The following FRAS1 variants were observed in gnomAD, a reference collection of about 807,000 sequenced individuals.
The protein encoded by FRAS1 is Fraser extracellular matrix complex subunit 1, also known as extracellular matrix organizing protein FRAS1.
FRAS1 carries 290 observed loss-of-function variants against 435.2 expected under a neutral mutation model. The observed-to-expected ratio is 0.67, with a 90% CI of 0.61 to 0.73. The LOEUF (loss-of-function observed/expected upper bound fraction) is 0.73. FRAS1 is among the 30% of genes least tolerant of loss of function. FRAS1 has a pLI of 0.00. For synonymous variants in FRAS1, 1,800 were observed against 1,851.0 expected, an observed-to-expected ratio of 0.97 and a Z score of 0.71; for missense variants, 4,860 against 5,001.5, an observed-to-expected ratio of 0.97 and a Z score of 0.85.
intron 2 of FRAS1, among the ~76,000 whole-genome samples, chr4:78,148,847 G>T (rs1212226801): frequency 6.6e-6 from 1 of 152,172 alleles, no homozygotes; most frequent in Non-Finnish European, 1.5e-5. Context: ...GTTTCTGAAA[G>T]TACTGTGAAG....
At chr4:78,167,807 A>T (rs1721395110) in intron 2 of FRAS1, among the ~76,000 whole-genome samples, 1 of 152,006 alleles carries the variant, frequency 6.6e-6, no homozygotes, top group African/African-American at 2.4e-5. Context: ...CAGTTGACAC[A>T]GTGGGTAGTC....
intron 55 of FRAS1, 83 bp from the exon 56 acceptor site, chr4:78,479,291 C>T: frequency 2.2e-6 from 2 of 911,164 alleles, no homozygotes; most frequent in Non-Finnish European, 3.1e-6. Flanking sequence ...TTGGGAGGGA[C>T]CAAGCTCATT....
At chr4:78,304,143 T>C (rs202032869) in intron 14 of FRAS1, among the ~76,000 whole-genome samples, 40,662 of 149,236 alleles carry the variant, frequency 0.27, 6,366 homozygotes, top group Admixed American at 0.35. Context: ...GTTCTGTTTA[T>C]ATGCTGGATT....
At chr4:78,534,891 C>T (rs1044298027) in intron 71 of FRAS1, among the ~76,000 whole-genome samples, 4 of 152,216 alleles carry the variant, frequency 2.6e-5, no homozygotes, top group Non-Finnish European at 5.9e-5. Context: ...CATTTCCGAC[C>T]AGATTCTAGC....
At chr4:78,181,710 GTCT>G in intron 2 of FRAS1, 1 of 1,609,798 alleles carries the variant, frequency 6.2e-7, no homozygotes, top group South Asian at 1.1e-5. Context: ...TGTTGATCAG[GTCT>G]TCTTCCAACT....
At chr4:78,479,750 C>T (rs1170542521) in intron 56 of FRAS1, 32 bp downstream of exon 56, 7 of 1,476,422 alleles carry the variant, frequency 4.7e-6, no homozygotes, top group Non-Finnish European at 5.5e-6. Context: ...TTTCCTTCAC[C>T]TGTCTCCTGA....
intron 29 of FRAS1, among the ~76,000 whole-genome samples, chr4:78,398,104 TCTTG>T (rs112473254): frequency 0.14 from 21,128 of 152,162 alleles, 1,841 homozygotes; most frequent in African/African-American, 0.25. Context: ...TATTCTGCCA[TCTTG>T]CTTATGTCCA....
chr4:78,183,775 T>TGTGTGTGTGTGTGTG (rs55783941), intron 2 of FRAS1, among the ~76,000 whole-genome samples: 2 of 150,592 alleles, frequency 1.3e-5, no homozygotes, highest in Non-Finnish European at 2.9e-5. Context: ...TGTGTGTGTG[T>TGTGTGTGTGTGTGTG]TTAAATATAT....
At chr4:78,299,830 C>T (rs901458366) in intron 14 of FRAS1, among the ~76,000 whole-genome samples, 1 of 152,212 alleles carries the variant, frequency 6.6e-6, no homozygotes, top group African/African-American at 2.4e-5. Context: ...CACTTATGCC[C>T]CAGTGCAGTT....
At chr4:78,520,501 C>G (rs1231643263) in intron 67 of FRAS1, among the ~76,000 whole-genome samples, 2 of 152,120 alleles carry the variant, frequency 1.3e-5, no homozygotes, top group Admixed American at 1.3e-4. Flanking sequence ...GGTTCCAGGA[C>G]CTCCCACAGA....
chr4:78,183,801 T>C (rs1299707329), intron 2 of FRAS1, among the ~76,000 whole-genome samples: 2 of 144,978 alleles, frequency 1.4e-5, no homozygotes, highest in East Asian at 2.0e-4. Context: ...CCATACAGAG[T>C]TCTAGAAGGT....
At chr4:78,358,824 T>A (rs1348132826) in intron 20 of FRAS1, among the ~76,000 whole-genome samples, 3 of 152,190 alleles carry the variant, frequency 2.0e-5, no homozygotes, top group Non-Finnish European at 2.9e-5. Context: ...GCTTACTTAA[T>A]ACTGGAATAT....
chr4:78,301,927 A>G (rs1728427405), intron 14 of FRAS1, among the ~76,000 whole-genome samples: 1 of 147,644 alleles, frequency 6.8e-6, no homozygotes, highest in African/African-American at 2.5e-5. Flanking sequence ...ATACGTATAC[A>G]TGTGCAATGC....
chr4:78,067,162 T>C (rs373237859), intron 2 of FRAS1, among the ~76,000 whole-genome samples: 13 of 152,294 alleles, frequency 8.5e-5, no homozygotes, highest in South Asian at 2.1e-4. Context: ...AACTTTTCCA[T>C]ATATTTTCAT....
intron 30 of FRAS1, 88 bp from the exon 31 acceptor site, chr4:78,407,575 T>TAAA: frequency 7.4e-6 from 7 of 942,720 alleles, no homozygotes; most frequent in South Asian, 4.2e-5. Context: ...TCTTTCTAGT[T>TAAA]AAAAAAAAAA....
At chr4:78,458,545 A>T (rs987933687) in intron 47 of FRAS1, among the ~76,000 whole-genome samples, 9 of 152,128 alleles carry the variant, frequency 5.9e-5, no homozygotes, top group Admixed American at 2.6e-4. Flanking sequence ...AACCTTAGAC[A>T]CTGGGGAGGG....
At position 78,464,425 on chromosome 4, in the gene FRAS1, A is replaced by C. The variant is rs761148900; in HGVS notation, c.6889-18A>C. ...TGCTAGGGACAGGTGTCCCACCTGC[A>C]CTTTCCTGCCATTCTAGGTGACTCA... is the stretch of plus-strand genomic sequence containing the variant. On this transcript the variant is annotated intron_variant, in intron 48 of 73. Coordinates refer to ENST00000512123, the MANE Select transcript of FRAS1 (RefSeq NM_025074.7). The C allele has an allele frequency of 2.5e-6, 4 of 1,613,856 alleles. No individual in the cohort carries two copies. Among genetic ancestry groups the C allele is most frequent in the South Asian group, 2.2e-5 (2 of 91,050 alleles).
intron 20 of FRAS1, among the ~76,000 whole-genome samples, chr4:78,355,271 TATA>T (rs1730805718): frequency 1.2e-5 from 1 of 85,684 alleles, no homozygotes; most frequent in Non-Finnish European, 3.3e-5. Flanking sequence ...AGGAGGTACA[TATA>T]CAAACAACTG....
intron 1 of FRAS1, among the ~76,000 whole-genome samples, chr4:78,060,977 G>T (rs1438563906): frequency 6.6e-6 from 1 of 152,052 alleles, no homozygotes; most frequent in East Asian, 1.9e-4. Flanking sequence ...CTCCTGAGTA[G>T]CTGGGATTAC....
Sources: allele counts gnomAD v4.1 joint callset (sites outside exome capture counted in the v4.1 genomes callset), GRCh38; gene constraint gnomAD v4.1.1; transcripts MANE v1.5; gene names NCBI Gene and HGNC (gene_info 2026-07-23, HGNC 2026-07-21).